CDKAL1: variants seen among roughly 807,000 people sequenced by gnomAD.
The protein encoded by CDKAL1 is CDKAL1 threonylcarbamoyladenosine tRNA methylthiotransferase, also known as threonylcarbamoyladenosine tRNA methylthiotransferase.
CDKAL1 carries 32 observed loss-of-function variants against 68.2 expected under a neutral mutation model. The ratio of observed to expected loss-of-function variants is 0.47; its 90% CI spans 0.35 to 0.63. The LOEUF is 0.63. Ranked by LOEUF, CDKAL1 falls within the 30% of genes least tolerant of loss-of-function variation. The pLI is 0.00. For missense variants in CDKAL1, 606 were observed against 696.7 expected (o/e 0.87, Z 1.47); for synonymous variants, 234 against 244.3 (o/e 0.96, Z 0.39).
chr6:20,564,003 A>T (rs191518545), intron 4 of CDKAL1, among the ~76,000 whole-genome samples: 65 of 152,326 alleles, frequency 4.3e-4, no homozygotes, highest in African/African-American at 1.5e-3. Flanking sequence ...TTTGGGATCA[A>T]TTACTAAAAT....
At chr6:21,215,967 C>A (rs558935455) in intron 15 of CDKAL1, among the ~76,000 whole-genome samples, 1 of 152,212 alleles carries the variant, frequency 6.6e-6, no homozygotes, top group Non-Finnish European at 1.5e-5. Flanking sequence ...AGTGTAATCA[C>A]AATGGTCCTT....
chr6:21,230,099 A>T (rs1056336988), intron 15 of CDKAL1, among the ~76,000 whole-genome samples: 1 of 152,230 alleles, frequency 6.6e-6, no homozygotes, highest in African/African-American at 2.4e-5. Flanking sequence ...CTGTGGCAGC[A>T]GACCAGCTGG....
At chr6:21,115,085 A>G (rs9356764) in intron 13 of CDKAL1, among the ~76,000 whole-genome samples, 85,254 of 152,072 alleles carry the variant, frequency 0.56, 25,402 homozygotes, top group African/African-American at 0.77. Flanking sequence ...AAGACTAGGC[A>G]TCTCTGTGAC....
chr6:20,749,950 C>T (rs894160132), intron 6 of CDKAL1, among the ~76,000 whole-genome samples: 7 of 152,020 alleles, frequency 4.6e-5, no homozygotes, highest in Non-Finnish European at 1.0e-4. Context: ...AAACAATCTT[C>T]CCGCCTCAGC....
At chr6:21,108,595 C>A in intron 13 of CDKAL1, 132 bp downstream of exon 13, 1 of 548,562 alleles carries the variant, frequency 1.8e-6, no homozygotes, top group Admixed American at 3.8e-5. Flanking sequence ...AATTTTTTAG[C>A]TCTTTATCCC....
intron 10 of CDKAL1, among the ~76,000 whole-genome samples, chr6:20,992,686 G>A (rs1207779090): frequency 6.6e-6 from 1 of 151,986 alleles, no homozygotes; most frequent in Non-Finnish European, 1.5e-5. Context: ...TCATTTGAGT[G>A]CAGGAGTTCA....
At chr6:20,992,148 C>T (rs1766856234) in intron 10 of CDKAL1, among the ~76,000 whole-genome samples, 1 of 148,456 alleles carries the variant, frequency 6.7e-6, no homozygotes. Flanking sequence ...GTGCCTCAGC[C>T]TCCTAAATAG....
intron 4 of CDKAL1, among the ~76,000 whole-genome samples, chr6:20,550,668 G>A (rs1432202760): frequency 1.3e-5 from 2 of 152,020 alleles, no homozygotes; most frequent in East Asian, 3.9e-4. Context: ...AATTATGTAT[G>A]AATAGTAACC....
At position 20,680,661 on chromosome 6, in the gene CDKAL1, C is replaced by T. The variant is rs138942799; in HGVS notation, c.371+31284C>T. ...ACTTTATTAATACTGAATGTTATCT[C>T]CCTCTGTCTCTGTCTGTGATTCTCT... On this transcript the variant is annotated intron_variant, in intron 5 of 15. Transcript: ENST00000274695. 1.0e-3 allele frequency among the ~76,000 whole-genome samples: 154 copies of T among 152,278 alleles called. 1 individual carries two copies. Among genetic ancestry groups the T allele is most frequent in the Admixed American group, 7.6e-3 (116 of 15,290 alleles).
intron 13 of CDKAL1, among the ~76,000 whole-genome samples, chr6:21,149,637 A>G (rs1776317535): frequency 6.6e-6 from 1 of 152,160 alleles, no homozygotes; most frequent in Non-Finnish European, 1.5e-5. Flanking sequence ...TCCTTAAGTT[A>G]TGCTAATAAA....
At chr6:20,881,812 A>T (rs1760837548) in intron 9 of CDKAL1, among the ~76,000 whole-genome samples, 1 of 152,140 alleles carries the variant, frequency 6.6e-6, no homozygotes, top group South Asian at 2.1e-4. Flanking sequence ...CAAAGTAGTT[A>T]ATAATTTTTA....
chr6:20,881,127 C>A (rs114575555), intron 9 of CDKAL1, among the ~76,000 whole-genome samples: 2 of 152,196 alleles, frequency 1.3e-5, no homozygotes, highest in Non-Finnish European at 2.9e-5. Flanking sequence ...GCATTGGCAT[C>A]TTGGTTCTCA....
intron 11 of CDKAL1, among the ~76,000 whole-genome samples, chr6:21,020,442 G>A (rs1017548335): frequency 6.6e-5 from 10 of 152,036 alleles, no homozygotes; most frequent in South Asian, 2.1e-4. Flanking sequence ...GTACTATTAC[G>A]TACTTCTGTC....
intron 4 of CDKAL1, among the ~76,000 whole-genome samples, chr6:20,582,294 G>A (rs1429192872): frequency 3.3e-5 from 5 of 151,998 alleles, no homozygotes; most frequent in Admixed American, 2.6e-4. Flanking sequence ...AATATAATGT[G>A]ACACCTCCAT....
chr6:20,810,956 T>C lies in CDKAL1; in HGVS notation c.638+29691T>C, dbSNP rs181313011. 2.0e-4 allele frequency among the ~76,000 whole-genome samples: 31 copies of C among 152,270 alleles called. No individual in the cohort carries two copies. In the East Asian group the frequency reaches 5.8e-3, roughly 29 times the overall value. On this transcript the variant is annotated intron_variant, in intron 8 of 15. Coordinates refer to ENST00000274695, the MANE Select transcript of CDKAL1 (RefSeq NM_017774.3). ...GTCTGTGCCACCACAGCTCTGGTTC[T>C]TTGTCCAACTTGGCCATCAGACTTG...
At chr6:20,699,199 G>A (rs1359814800) in intron 5 of CDKAL1, among the ~76,000 whole-genome samples, 1 of 151,974 alleles carries the variant, frequency 6.6e-6, no homozygotes, top group South Asian at 2.1e-4. Flanking sequence ...AATAAATGGC[G>A]AGGTGGTTTT....
chr6:20,622,442 C>T (rs1023758482), intron 4 of CDKAL1, among the ~76,000 whole-genome samples: 2 of 151,948 alleles, frequency 1.3e-5, no homozygotes, highest in Non-Finnish European at 2.9e-5. Flanking sequence ...CACAGTATTG[C>T]TTTCTGATTT....
At chr6:21,080,194 A>G (rs1490876420) in intron 12 of CDKAL1, among the ~76,000 whole-genome samples, 1 of 152,124 alleles carries the variant, frequency 6.6e-6, no homozygotes, top group Non-Finnish European at 1.5e-5. Flanking sequence ...AAACGTGAAA[A>G]TAACAAAAAT....
chr6:21,029,423 A>C (rs150655807), intron 11 of CDKAL1, among the ~76,000 whole-genome samples: 1 of 152,136 alleles, frequency 6.6e-6, no homozygotes, highest in Non-Finnish European at 1.5e-5. Flanking sequence ...AACAAGATGA[A>C]AATAAAAGTA....
Sources: gnomAD v4.1 joint callset for allele counts (sites outside exome capture counted in the v4.1 genomes callset) on GRCh38, gnomAD v4.1.1 for gene constraint, MANE v1.5 for transcripts, NCBI Gene and HGNC (gene_info 2026-07-23, HGNC 2026-07-21) for gene names.